FANCL: variants seen among roughly 807,000 people sequenced by gnomAD.
FANCL encodes E3 ubiquitin-protein ligase FANCL.
A neutral mutation model predicts 59.4 loss-of-function variants in FANCL; 69 were observed. That is an observed-to-expected ratio of 1.16 (90% CI 0.96 to 1.42). FANCL has a LOEUF of 1.42. Ranked by LOEUF, FANCL falls within the 40% of genes most tolerant of loss-of-function variation. The pLI is 0.00. For missense variants in FANCL, 519 were observed against 447.2 expected, an observed-to-expected ratio of 1.16 and a Z score of -1.45; for synonymous variants, 180 against 147.1, an observed-to-expected ratio of 1.22 and a Z score of -1.62.
At chr2:58,234,349 G>C (rs116813954) in intron 1 of FANCL, among the ~76,000 whole-genome samples, 1 of 151,340 alleles carries the variant, frequency 6.6e-6, no homozygotes, top group African/African-American at 2.4e-5. Context: ...TGAAAATAAA[G>C]AAAAACACAA....
intron 4 of FANCL, 32 bp from the exon 5 acceptor site, chr2:58,222,074 T>A: frequency 6.7e-7 from 1 of 1,487,852 alleles, no homozygotes. Flanking sequence ...GAATTAGCTG[T>A]GGAACGCAAG....
chr2:58,227,706 A>G (rs761535925), intron 3 of FANCL, among the ~76,000 whole-genome samples: 36 of 152,106 alleles, frequency 2.4e-4, no homozygotes, highest in Non-Finnish European at 4.3e-4. Flanking sequence ...TTTTATAGGC[A>G]CAAGATGGAG....
intron 7 of FANCL, among the ~76,000 whole-genome samples, chr2:58,169,982 A>C (rs2104852482): frequency 6.6e-6 from 1 of 152,334 alleles, no homozygotes; most frequent in South Asian, 2.1e-4. Flanking sequence ...AACACTCTTC[A>C]GGATGTTATC....
intron 7 of FANCL, among the ~76,000 whole-genome samples, chr2:58,170,273 A>G (rs186355632): frequency 2.0e-4 from 30 of 152,326 alleles, no homozygotes; most frequent in Admixed American, 1.6e-3. Flanking sequence ...AGAATTTCCT[A>G]TCCCGCCAAA....
chr2:58,200,871 T>C (rs1689938642), intron 6 of FANCL, among the ~76,000 whole-genome samples: 1 of 151,546 alleles, frequency 6.6e-6, no homozygotes, highest in South Asian at 2.1e-4. Context: ...ATGTATATAA[T>C]AAATTAGACT....
intron 7 of FANCL, among the ~76,000 whole-genome samples, chr2:58,183,135 G>A (rs1296015263): frequency 6.6e-6 from 1 of 151,448 alleles, no homozygotes; most frequent in Non-Finnish European, 1.5e-5. Flanking sequence ...TACCATATTG[G>A]ACAAAGGATT....
intron 6 of FANCL, among the ~76,000 whole-genome samples, chr2:58,201,735 CTTAT>C (rs1486080917): frequency 1.3e-5 from 2 of 151,890 alleles, no homozygotes; most frequent in African/African-American, 2.4e-5. Context: ...TTTACTTCTA[CTTAT>C]TTATTATTTA....
chr2:58,225,839 AGAG>A (rs1438075263), intron 4 of FANCL, among the ~76,000 whole-genome samples: 1 of 152,088 alleles, frequency 6.6e-6, no homozygotes, highest in Non-Finnish European at 1.5e-5. Context: ...GGTGAGGTAA[AGAG>A]GAGAGAGATG....
At chr2:58,235,465 T>C (rs1275316338) in intron 1 of FANCL, among the ~76,000 whole-genome samples, 2 of 152,144 alleles carry the variant, frequency 1.3e-5, no homozygotes, top group African/African-American at 4.8e-5. Flanking sequence ...TGGGTCTACC[T>C]AGCAATGCTT....
At chr2:58,160,023 C>CTGAT (rs997214605) in intron 13 of FANCL, 85 bp downstream of exon 13, 31 of 1,590,992 alleles carry the variant, frequency 1.9e-5, no homozygotes, top group South Asian at 4.6e-5. Flanking sequence ...TTTAGATAAA[C>CTGAT]TGATATACTA....
At position 58,187,819 on chromosome 2, in the gene FANCL, G is replaced by A. The variant is rs567466016; in HGVS notation, c.540+10775C>T. Reference sequence around the variant, plus strand: ...TTTGAGTTTTATTATTGAACTTTGAGAGTTCTTTATATATTTTAAACACAT... The same window carrying A: ...TTTGAGTTTTATTATTGAACTTTGAAAGTTCTTTATATATTTTAAACACAT... On this transcript the variant is annotated intron_variant, in intron 7 of 13. Coordinates refer to ENST00000233741, the MANE Select transcript of FANCL (RefSeq NM_018062.4). Among the ~76,000 whole-genome samples, 7 of 152,228 alleles carry A rather than the reference G, an allele frequency of 4.6e-5. No individual in the cohort carries two copies. The East Asian group carries it at 9.6e-4, about 21-fold the overall frequency.
Position 58,161,622 on chromosome 2 carries a change from C to T in FANCL, c.920G>A (p.Cys307Tyr). ...AAGTTGATAAGCATAACAAATTCCA[C>T]AATCCATAGTAAAATCCTTCAAAAG... ...ILEKSDFTMDCGICYAYQLDG... is the reference protein window; with the variant it reads ...ILEKSDFTMDYGICYAYQLDG... Residue 307 changes from cysteine (C) to tyrosine (Y), a missense_variant, in exon 12 of 14, where the codon TGT (cysteine) becomes TAT (tyrosine). Transcript: ENST00000233741. The T allele has an allele frequency of 1.9e-6, 3 of 1,609,634 alleles. No homozygotes were observed. The highest frequency in any genetic ancestry group is 1.7e-6 in the Non-Finnish European group (2 of 1,176,438).
intron 5 of FANCL, among the ~76,000 whole-genome samples, chr2:58,207,818 G>C (rs1029131825): frequency 6.6e-6 from 1 of 152,122 alleles, no homozygotes; most frequent in African/African-American, 2.4e-5. Flanking sequence ...CAGCACTCTG[G>C]GAAGCTGAGG....
chr2:58,222,022 T>A lies in FANCL; in HGVS notation c.294A>T (p.Arg98Ser). 6.2e-7 allele frequency: 1 copy of A among 1,613,354 alleles called. No individual in the cohort carries two copies. The highest frequency in any genetic ancestry group is 8.5e-7 in the Non-Finnish European group (1 of 1,179,436). Reference protein sequence around the residue: ...KMLLEVALKNRQELYALPPPP... With the variant: ...KMLLEVALKNSQELYALPPPP... ...GAGGAGGTAGTGCATACAGCTCTTG[T>A]CTATTCTTTAAGGCAACTTCCTGTT... The change falls in exon 5 of 14, where the codon AGA becomes AGT. Residue 98 changes from arginine to serine, a missense_variant. Arg to Ser is a moderately radical substitution (Grantham distance 110). Coordinates refer to ENST00000233741, the MANE Select transcript of FANCL (RefSeq NM_018062.4).
rs1433152710 is a variant in FANCL, at chr2:58,229,871, T to C, written c.159A>G (p.Leu53=). 1 of 1,607,218 alleles carries C rather than the reference T, an allele frequency of 6.2e-7. No individual in the cohort carries two copies. The change falls in exon 3 of 14, where the codon TTA becomes TTG. Residue 53 remains leucine (L), a synonymous_variant. Transcript: ENST00000233741. ...TTGTTCTCAGCTGCCAACTACATAA[T>C]AATCTAAAATTTTAATGAGACAAAA... is the stretch of plus-strand genomic sequence containing the variant. ...PEDLQLKNAR[L]LCSWQLRTIL... is the part of the protein sequence containing the mutation.
chr2:58,228,085 T>C (rs1202478756), intron 3 of FANCL, among the ~76,000 whole-genome samples: 3 of 152,112 alleles, frequency 2.0e-5, no homozygotes, highest in Non-Finnish European at 4.4e-5. Flanking sequence ...TTTTTATTTT[T>C]CCCTTGACCT....
chr2:58,163,361 T>C, intron 9 of FANCL, 73 bp downstream of exon 9: 2 of 1,016,160 alleles, frequency 2.0e-6, no homozygotes, highest in South Asian at 1.3e-5. Flanking sequence ...ACTAATATTG[T>C]CTAATAATTT....
At chr2:58,175,461 G>A (rs551920722) in intron 7 of FANCL, among the ~76,000 whole-genome samples, 16 of 151,688 alleles carry the variant, frequency 1.1e-4, no homozygotes, top group Admixed American at 3.3e-4. Context: ...TCATCCCTGG[G>A]ATGCAAGGCT....
intron 5 of FANCL, among the ~76,000 whole-genome samples, chr2:58,209,349 G>A (rs1690901109): frequency 6.6e-6 from 1 of 151,904 alleles, no homozygotes; most frequent in Non-Finnish European, 1.5e-5. Flanking sequence ...ATTAAATACT[G>A]TTAAGCATAT....
Sources: allele counts gnomAD v4.1 joint callset (sites outside exome capture counted in the v4.1 genomes callset), GRCh38; gene constraint gnomAD v4.1.1; transcripts MANE v1.5; gene names NCBI Gene and HGNC (gene_info 2026-07-23, HGNC 2026-07-21).